The following PLXNA2 variants were observed in gnomAD, a reference collection of about 807,000 sequenced individuals.
The protein encoded by PLXNA2 is plexin A2.
In PLXNA2, 91 loss-of-function variants were observed where a neutral mutation model predicts 193.5. The observed-to-expected ratio is 0.47, with a 90% confidence interval of 0.40 to 0.56. PLXNA2 has a LOEUF of 0.56. PLXNA2 is among the 20% of genes least tolerant of loss of function. The pLI, the probability that PLXNA2 is intolerant of heterozygous loss-of-function variation, is 0.00. For synonymous variants in PLXNA2, 997 were observed against 1,027.3 expected, an observed-to-expected ratio of 0.97 and a Z score of 0.56; for missense variants, 1,995 against 2,503.2, an observed-to-expected ratio of 0.80 and a Z score of 4.33.
intron 5 of PLXNA2, among the ~76,000 whole-genome samples, chr1:208,101,614 C>A (rs1667099220): frequency 6.6e-6 from 1 of 152,186 alleles, no homozygotes; most frequent in South Asian, 2.1e-4. Context: ...AGGAGGAAGA[C>A]CAGGTGGTTT....
At chr1:208,071,524 G>A (rs1207338945) in intron 12 of PLXNA2, among the ~76,000 whole-genome samples, 1 of 152,188 alleles carries the variant, frequency 6.6e-6, no homozygotes, top group African/African-American at 2.4e-5. Flanking sequence ...ATGTGTGTGT[G>A]TCTGTGTGTG....
intron 1 of PLXNA2, among the ~76,000 whole-genome samples, chr1:208,228,389 G>A (rs948499477): frequency 8.5e-5 from 13 of 152,116 alleles, no homozygotes; most frequent in African/African-American, 2.9e-4. Context: ...AGGAATCCTC[G>A]TGCTGCCTCC....
intron 26 of PLXNA2, among the ~76,000 whole-genome samples, chr1:208,037,593 T>C (rs1664712722): frequency 6.6e-6 from 1 of 152,212 alleles, no homozygotes; most frequent in East Asian, 1.9e-4. Context: ...AGTTTCTATT[T>C]TAGTATTTTT....
intron 10 of PLXNA2, among the ~76,000 whole-genome samples, chr1:208,084,165 T>C (rs1026796776): frequency 4.3e-4 from 65 of 152,246 alleles, no homozygotes; most frequent in African/African-American, 1.5e-3. Context: ...GTGTCTGCCA[T>C]GAGGGTCCTC....
At chr1:208,108,677 T>C (rs926500400) in intron 4 of PLXNA2, among the ~76,000 whole-genome samples, 2 of 152,218 alleles carry the variant, frequency 1.3e-5, no homozygotes, top group Non-Finnish European at 2.9e-5. Flanking sequence ...TACTGAGCAC[T>C]TACATTGTAC....
chr1:208,030,058 G>A (rs1212800193), intron 29 of PLXNA2: 1 of 985,338 alleles, frequency 1.0e-6, no homozygotes, highest in Non-Finnish European at 1.2e-6. Flanking sequence ...AGTAGTGCCA[G>A]GTCTTGGGGA....
chr1:208,042,901 G>A (rs1044576952), intron 21 of PLXNA2, among the ~76,000 whole-genome samples, 160 bp downstream of exon 21: 12 of 152,196 alleles, frequency 7.9e-5, no homozygotes, highest in Admixed American at 3.9e-4. Context: ...CCCCTCAGCC[G>A]TAACCTTCCT....
intron 3 of PLXNA2, among the ~76,000 whole-genome samples, chr1:208,181,356 C>G (rs1369518827): frequency 6.6e-6 from 1 of 152,138 alleles, no homozygotes; most frequent in Non-Finnish European, 1.5e-5. Context: ...GGGGCCAGAC[C>G]CTGAGGGGTG....
chr1:208,104,660 G>T (rs1445435442), intron 4 of PLXNA2, among the ~76,000 whole-genome samples: 6 of 152,146 alleles, frequency 3.9e-5, no homozygotes, highest in African/African-American at 9.7e-5. Flanking sequence ...TAAGTGTAGG[G>T]TGTACAGTGG....
intron 3 of PLXNA2, among the ~76,000 whole-genome samples, chr1:208,165,698 TCTCCA>T (rs1669280801): frequency 6.6e-6 from 1 of 152,146 alleles, no homozygotes; most frequent in African/African-American, 2.4e-5. Flanking sequence ...GGGTCCCTGG[TCTCCA>T]CTCCCTCAGG....
rs574581877 is a variant in PLXNA2, at chr1:208,113,226, C to T, written c.1507-9979G>A. 3.0e-3 allele frequency among the ~76,000 whole-genome samples: 453 copies of T among 152,224 alleles called. 4 individuals are homozygous for T. The highest frequency in any genetic ancestry group is 0.01 in the African/African-American group (432 of 41,528). ...CTCCTTATAGGGTCCACATTGACTGCCCTACCCCAGGAGGGGGAAAGGTGA... is the reference window on the plus strand; with the variant it reads ...CTCCTTATAGGGTCCACATTGACTGTCCTACCCCAGGAGGGGGAAAGGTGA... On this transcript the variant is annotated intron_variant, in intron 4 of 31. Coordinates refer to ENST00000367033, the MANE Select transcript of PLXNA2 (RefSeq NM_025179.4).
At chr1:208,055,581 G>T (rs1023538409) in intron 13 of PLXNA2, among the ~76,000 whole-genome samples, 1 of 152,104 alleles carries the variant, frequency 6.6e-6, no homozygotes. Context: ...GCAGTCTGGT[G>T]CTCCTGGTAG....
chr1:208,118,150 A>C (rs931207616), intron 4 of PLXNA2, among the ~76,000 whole-genome samples: 1 of 152,190 alleles, frequency 6.6e-6, no homozygotes, highest in African/African-American at 2.4e-5. Context: ...GGTTCACAAG[A>C]AGTGAGAGCT....
chr1:208,224,495 A>G (rs1397609317), intron 1 of PLXNA2, among the ~76,000 whole-genome samples: 1 of 151,384 alleles, frequency 6.6e-6, no homozygotes, highest in African/African-American at 2.4e-5. Context: ...TGTTATTAGT[A>G]TATTTTATGC....
At chr1:208,078,257 T>A (rs1223412611) in intron 12 of PLXNA2, among the ~76,000 whole-genome samples, 2 of 152,216 alleles carry the variant, frequency 1.3e-5, no homozygotes, top group Admixed American at 1.3e-4. Context: ...TCAAATAACC[T>A]ATCTGTAGGT....
Position 208,054,427 on chromosome 1 carries a change from G to T in PLXNA2, c.2850C>A (p.Thr950=). 2 of 1,609,054 alleles carry T rather than the reference G, an allele frequency of 1.2e-6. No individual in the cohort carries two copies. The highest frequency in any genetic ancestry group is 1.7e-6 in the Non-Finnish European group (2 of 1,175,316). Residue 950 remains threonine, a synonymous_variant, in exon 14 of 32, where the codon ACC becomes ACA. Coordinates refer to ENST00000367033, the MANE Select transcript of PLXNA2 (RefSeq NM_025179.4). ...EFMTKSHQQY[T]FVNPSVLSLN... The stretch of plus-strand genomic sequence containing the variant: ...CCCTGGACCCAGTACTCACCACGAA[G>T]GTGTACTGCTGATGGGACTTCGTCA...
At chr1:208,192,176 C>T (rs967740687) in intron 3 of PLXNA2, among the ~76,000 whole-genome samples, 3 of 152,202 alleles carry the variant, frequency 2.0e-5, no homozygotes, top group Non-Finnish European at 4.4e-5. Context: ...CCTTCGAGTC[C>T]ACTCTTTCCA....
chr1:208,035,630 C>T lies in PLXNA2; in HGVS notation c.4765-1038G>A, dbSNP rs555968168. Reference sequence around the variant, plus strand: ...AGAATCGTGGTGATCCAATTAAACCCCTAACGCAGAGGGAATAAAACAGCT... The same window carrying T: ...AGAATCGTGGTGATCCAATTAAACCTCTAACGCAGAGGGAATAAAACAGCT... On this transcript the variant is annotated intron_variant, in intron 26 of 31. Coordinates refer to ENST00000367033, the MANE Select transcript of PLXNA2 (RefSeq NM_025179.4). Among the ~76,000 whole-genome samples, 12 of 152,278 alleles carry T rather than the reference C, an allele frequency of 7.9e-5. 2 individuals are homozygous for T. The highest frequency in any genetic ancestry group is 2.9e-4 in the African/African-American group (12 of 41,560).
At chr1:208,205,886 A>G (rs191773506) in intron 3 of PLXNA2, among the ~76,000 whole-genome samples, 34 of 152,336 alleles carry the variant, frequency 2.2e-4, no homozygotes, top group African/African-American at 6.3e-4. Context: ...TTCATCTTCC[A>G]TAGCTTAATG....
Sources: allele counts gnomAD v4.1 joint callset (sites outside exome capture counted in the v4.1 genomes callset), GRCh38; gene constraint gnomAD v4.1.1; transcripts MANE v1.5; gene names NCBI Gene and HGNC (gene_info 2026-07-23, HGNC 2026-07-21).